The following MIA3 variants were observed in gnomAD, a reference collection of about 807,000 sequenced individuals.
MIA3 encodes MIA SH3 domain ER export factor 3, also known as transport and Golgi organization protein 1 homolog.
MIA3 carries 90 observed loss-of-function variants against 192.4 expected under a neutral mutation model. The observed-to-expected ratio is 0.47, with a 90% CI of 0.39 to 0.56. MIA3 has a LOEUF of 0.56. Ranked by LOEUF, MIA3 falls within the 20% of genes least tolerant of loss-of-function variation. MIA3 has a pLI of 0.00. For synonymous variants in MIA3, 740 were observed against 792.8 expected, an observed-to-expected ratio of 0.93 and a Z score of 1.12; for missense variants, 2,123 against 2,269.4, an observed-to-expected ratio of 0.94 and a Z score of 1.31.
chr1:222,644,452 G>C lies in MIA3; in HGVS notation c.3478-1102G>C, dbSNP rs780370820. The C allele has an allele frequency of 1.9e-5, 29 of 1,550,330 alleles. No individual in the cohort carries two copies. In the African/African-American group the frequency reaches 3.6e-4, roughly 19 times the overall value. The stretch of plus-strand genomic sequence containing the variant: ...CAGTGCCATTCCGCAGGGAATTGTC[G>C]CTTGCGTTCAGCTGTTCTACACAAT... On this transcript the variant is annotated intron_variant, in intron 6 of 27. Coordinates refer to ENST00000344922, the MANE Select transcript of MIA3 (RefSeq NM_198551.4).
At chr1:222,640,312 A>T (rs539008578) in intron 6 of MIA3, among the ~76,000 whole-genome samples, 1 of 152,184 alleles carries the variant, frequency 6.6e-6, no homozygotes, top group South Asian at 2.1e-4. Context: ...ATTTTTTTTT[A>T]AATGACAAGC....
chr1:222,660,158 A>C lies in MIA3; in HGVS notation c.4976-19A>C. On this transcript the variant is annotated intron_variant, in intron 23 of 27. Transcript: ENST00000344922. ...AAAAAGGCTGTCTTAAAATGCTAACAAGATGCTGTCATCTTTAGGTCCTCT... is the reference window on the plus strand; with the variant it reads ...AAAAAGGCTGTCTTAAAATGCTAACCAGATGCTGTCATCTTTAGGTCCTCT... 6.2e-7 allele frequency: 1 copy of C among 1,607,402 alleles called. No individual in the cohort carries two copies. Among genetic ancestry groups the C allele is most frequent in the Non-Finnish European group, 8.5e-7 (1 of 1,178,036 alleles).
intron 7 of MIA3, among the ~76,000 whole-genome samples, chr1:222,647,498 A>G (rs1663203902): frequency 6.6e-6 from 1 of 152,206 alleles, no homozygotes; most frequent in Non-Finnish European, 1.5e-5. Flanking sequence ...ATTGATTGTA[A>G]AATTACTTAA....
In MIA3 at chr1:222,645,695, T is replaced by G. The variant is rs1222084695; in HGVS notation, c.3609+10T>G. The G allele has an allele frequency of 2.5e-6, 4 of 1,610,816 alleles. No homozygotes were observed. In the African/African-American group the frequency reaches 5.3e-5, roughly 22 times the overall value. On this transcript the variant is annotated intron_variant, in intron 7 of 27. Transcript: ENST00000344922. ...GAGAACTGTCCTTGTTGTGAGTAAA[T>G]TAATGCATACTTTAACTCATAAATT... is the stretch of plus-strand genomic sequence containing the variant.
chr1:222,652,937 C>T, intron 13 of MIA3, 71 bp from the exon 14 acceptor site: 1 of 1,519,376 alleles, frequency 6.6e-7, no homozygotes, highest in Non-Finnish European at 8.9e-7. Flanking sequence ...TTACCTGTCT[C>T]ATTCATGTGG....
intron 4 of MIA3, 39 bp downstream of exon 4, chr1:222,630,428 G>A: frequency 6.5e-7 from 1 of 1,540,642 alleles, no homozygotes; most frequent in South Asian, 1.3e-5. Context: ...GGCTGGAGAA[G>A]CAGGTGGGTG....
At chr1:222,658,859 A>G (rs1041570660) in intron 19 of MIA3, 36 bp downstream of exon 19, 4 of 1,426,416 alleles carry the variant, frequency 2.8e-6, no homozygotes, top group Non-Finnish European at 3.9e-6. Context: ...TCAGTGGCTA[A>G]TGAAACTAGT....
rs80021570 is a variant in MIA3 at position 222,658,760 on chromosome 1, A to C, written c.4646A>C (p.Glu1549Ala). 682 of 1,612,996 alleles carry C rather than the reference A, an allele frequency of 4.2e-4. 2 individuals are homozygous for C. In the Middle Eastern group the frequency reaches 7.1e-3, roughly 17 times the overall value. The change falls in exon 19 of 28, where the codon GAG becomes GCG. Residue 1549 changes from glutamate to alanine, a missense_variant. Glu to Ala is a moderately radical substitution (Grantham distance 107). Coordinates refer to ENST00000344922, the MANE Select transcript of MIA3 (RefSeq NM_198551.4). ...SQEEYERQER[E>A]HRLSAADEKA... ...GAAGAGTATGAACGGCAAGAAAGAG[A>C]GCACAGGCTGTCAGCTGCAGATGAA... is the stretch of plus-strand genomic sequence containing the variant.
In MIA3 at chr1:222,652,484, G is replaced by A. The variant is rs138585018; in HGVS notation, c.4086+152G>A. On this transcript the variant is annotated intron_variant, in intron 13 of 27. Transcript: ENST00000344922. ...GTTTAAACTATGCTTCCAAAATTGA[G>A]TGTAGGTATACATTCTCTATCTGTT... 3.3e-3 allele frequency: 2,043 copies of A among 623,532 alleles called. 36 individuals carry two copies. The African/African-American group carries it at 0.033, about 10-fold the overall frequency. The allele number at this position is 623,532 out of a possible 1,614,324, so 38.6% of individuals were successfully genotyped here. A position where few individuals can be genotyped will look rare whatever the true frequency, so the allele number is the denominator to read the frequency against.
At chr1:222,644,488 C>A (rs772144949) in intron 6 of MIA3, 3 of 1,550,580 alleles carry the variant, frequency 1.9e-6, no homozygotes, top group Non-Finnish European at 2.6e-6. Context: ...GGACTCAGTA[C>A]CTGCCACTGT....
chr1:222,625,678 CTA>C (rs1194444952), intron 3 of MIA3, among the ~76,000 whole-genome samples: 2 of 152,184 alleles, frequency 1.3e-5, no homozygotes, highest in African/African-American at 2.4e-5. Context: ...GAGCATTTAT[CTA>C]TAGTGCACAA....
At chr1:222,650,167 A>G in intron 8 of MIA3, 125 bp from the exon 9 acceptor site, 1 of 702,596 alleles carries the variant, frequency 1.4e-6, no homozygotes, top group South Asian at 1.5e-5. Flanking sequence ...TTAAAACCAT[A>G]ATAGTTATGC....
At position 222,628,670 on chromosome 1, in the gene MIA3, G is replaced by A. The variant is rs750565339; in HGVS notation, c.1450G>A (p.Glu484Lys). The A allele has an allele frequency of 2.5e-6, 4 of 1,614,034 alleles. No homozygotes were observed. Among genetic ancestry groups the A allele is most frequent in the Non-Finnish European group, 3.4e-6 (4 of 1,179,984 alleles). Residue 484 changes from glutamate (E) to lysine (K), a missense_variant, in exon 4 of 28, where the codon GAA becomes AAA. This residue lies in a region of MIA3 where 1,357 missense variants were observed against 1,396.1 expected (regional missense o/e 0.97). Transcript: ENST00000344922. Reference protein sequence around the residue: ...SKRGLVQDKTELEDENQEGMT... With the variant: ...SKRGLVQDKTKLEDENQEGMT... ...GAGGGGCCTGGTACAAGATAAGACA[G>A]AATTAGAGGATGAAAATCAAGAAGG...
intron 2 of MIA3, among the ~76,000 whole-genome samples, chr1:222,623,051 C>CATGA (rs904994356): frequency 6.7e-4 from 102 of 152,312 alleles, no homozygotes; most frequent in African/African-American, 2.2e-3. Flanking sequence ...AATGGAAAGG[C>CATGA]TCATGCCTTA....
chr1:222,618,540 C>T (rs1430010114), intron 1 of MIA3, among the ~76,000 whole-genome samples: 3 of 152,206 alleles, frequency 2.0e-5, no homozygotes. Context: ...CGGGGGGTTG[C>T]TTGCGGTGGT....
At chr1:222,655,123 G>T (rs1243119465) in intron 18 of MIA3, among the ~76,000 whole-genome samples, 1 of 152,194 alleles carries the variant, frequency 6.6e-6, no homozygotes, top group African/African-American at 2.4e-5. Flanking sequence ...TTTCTTTGTG[G>T]TCAATTATGT....
Position 222,630,405 on chromosome 1 carries a change from C to T in MIA3, c.3169+16C>T, listed in dbSNP as rs752866664. ...GCAATGGAAGGTGAGATGCCTATGG[C>T]CTTGTAGAACAGGGCTGGAGAAGCA... On this transcript the variant is annotated intron_variant, in intron 4 of 27. Transcript: ENST00000344922. 1.9e-6 allele frequency: 3 copies of T among 1,574,066 alleles called. No homozygotes were observed. Among genetic ancestry groups the T allele is most frequent in the Non-Finnish European group, 2.6e-6 (3 of 1,162,382 alleles).
intron 6 of MIA3, chr1:222,642,002 G>A: frequency 9.5e-6 from 3 of 315,824 alleles, no homozygotes; most frequent in South Asian, 2.7e-5. Flanking sequence ...CAGCAATGTG[G>A]GTGAATTTCA....
chr1:222,654,048 A>G (rs1306620823), intron 15 of MIA3, among the ~76,000 whole-genome samples, 195 bp from the exon 16 acceptor site: 3 of 152,204 alleles, frequency 2.0e-5, no homozygotes, highest in Non-Finnish European at 2.9e-5. Flanking sequence ...TAACATGTTT[A>G]TTGTACAAAT....
Sources: allele counts gnomAD v4.1 joint callset (sites outside exome capture counted in the v4.1 genomes callset), GRCh38; gene constraint gnomAD v4.1.1; regional missense constraint gnomAD v4.1.1; transcripts MANE v1.5; gene names NCBI Gene and HGNC (gene_info 2026-07-23, HGNC 2026-07-21).